The following RBFOX1 variants were observed in gnomAD, a reference collection of about 807,000 sequenced individuals.
RBFOX1 encodes the protein RNA binding fox-1 homolog 1.
A neutral mutation model predicts 57.7 loss-of-function variants in RBFOX1; 8 were observed. The ratio of observed to expected loss-of-function variants is 0.14; its 90% confidence interval spans 0.08 to 0.25. The LOEUF is 0.25. Among genes scored for constraint, RBFOX1 ranks in the 10% least tolerant of loss-of-function variants. RBFOX1 has a pLI of 1.00. For synonymous variants in RBFOX1, 326 were observed against 222.4 expected (o/e 1.47, Z -4.15); for missense variants, 611 against 548.5 (o/e 1.11, Z -1.14).
In RBFOX1 at chr16:6,418,531, T is replaced by A. The variant is rs182585143; in HGVS notation, c.-64+101474T>A. ...TTCTGCAAGCCTTATTTTTTTTTTT[T>A]TTTTTTTTTTTTGACAGAGTCTGGC... On this transcript the variant is annotated intron_variant, in intron 2 of 15. Coordinates refer to ENST00000550418, the MANE Select transcript of RBFOX1 (RefSeq NM_018723.4). Among the ~76,000 whole-genome samples, 1,265 of 145,832 alleles carry A rather than the reference T, an allele frequency of 8.7e-3. 38 individuals are homozygous for A. The highest frequency in any genetic ancestry group is 0.084 in the East Asian group (421 of 5,040).
At chr16:6,559,769 A>G (rs988864737) in intron 2 of RBFOX1, among the ~76,000 whole-genome samples, 1 of 152,030 alleles carries the variant, frequency 6.6e-6, no homozygotes, top group African/African-American at 2.4e-5. Flanking sequence ...AACACCTACT[A>G]TGTGCCAGGC....
intron 4 of RBFOX1, among the ~76,000 whole-genome samples, chr16:7,236,998 C>T (rs747952042): frequency 6.6e-6 from 1 of 152,136 alleles, no homozygotes; most frequent in East Asian, 1.9e-4. Context: ...AAGAGGCAAG[C>T]CGTTCTTTCA....
rs150068303 is a variant in RBFOX1 at position 5,468,699 on chromosome 16, G to C, written c.258+1445G>C. Among the ~76,000 whole-genome samples, 860 of 152,296 alleles carry C rather than the reference G, an allele frequency of 5.6e-3. 6 individuals are homozygous for C. Among genetic ancestry groups the C allele is most frequent in the African/African-American group, 0.02 (826 of 41,548 alleles). Reference sequence around the variant, plus strand: ...TATCCATGCAGTGGAATATTATACAGCCATAAAAAGGAAGGAAGCAGAAAT... The same window carrying C: ...TATCCATGCAGTGGAATATTATACACCCATAAAAAGGAAGGAAGCAGAAAT... On this transcript the variant is annotated intron_variant, in intron 2 of 2. Transcript: ENST00000585867.
intron 4 of RBFOX1, among the ~76,000 whole-genome samples, chr16:7,493,798 C>A (rs894886273): frequency 5.3e-5 from 8 of 152,178 alleles, no homozygotes; most frequent in Middle Eastern, 3.2e-3. Context: ...AATATGTTTG[C>A]ATTGTGTGAA....
chr16:6,408,040 C>A (rs2093345586), intron 2 of RBFOX1, among the ~76,000 whole-genome samples: 1 of 152,016 alleles, frequency 6.6e-6, no homozygotes, highest in Non-Finnish European at 1.5e-5. Flanking sequence ...GCTTGTTTAC[C>A]CCTCCCATCA....
At chr16:5,876,539 C>T (rs2057616184) in intron 4 of RBFOX1, among the ~76,000 whole-genome samples, 2 of 152,124 alleles carry the variant, frequency 1.3e-5, no homozygotes, top group African/African-American at 4.8e-5. Context: ...TCTCATCTCT[C>T]CTCCTCTAAA....
chr16:6,901,928 AT>A (rs755291944), intron 3 of RBFOX1, among the ~76,000 whole-genome samples: 1 of 151,964 alleles, frequency 6.6e-6, no homozygotes, highest in African/African-American at 2.4e-5. Flanking sequence ...TTAAGCAGGG[AT>A]TTTTTTTCAT....
At chr16:7,278,071 G>T (rs562437513) in intron 4 of RBFOX1, among the ~76,000 whole-genome samples, 4 of 152,106 alleles carry the variant, frequency 2.6e-5, no homozygotes, top group Non-Finnish European at 4.4e-5. Flanking sequence ...AGTTGATTCC[G>T]TAGGCGGCTA....
chr16:6,705,675 G>C (rs143061886), intron 3 of RBFOX1: 1 of 152,100 alleles, frequency 6.6e-6, no homozygotes, highest in African/African-American at 2.4e-5. Context: ...CAACAACAAA[G>C]CCACTGTGAT....
chr16:7,534,559 G>A (rs771571340), intron 5 of RBFOX1, among the ~76,000 whole-genome samples: 2 of 152,098 alleles, frequency 1.3e-5, no homozygotes, highest in East Asian at 1.9e-4. Context: ...CTGGAAGCCC[G>A]ATTCGATCCA....
intron 2 of RBFOX1, among the ~76,000 whole-genome samples, chr16:6,395,134 T>C (rs1178004112): frequency 6.6e-6 from 1 of 152,204 alleles, no homozygotes; most frequent in Non-Finnish European, 1.5e-5. Context: ...GCTAAAGATA[T>C]GGTGACATTC....
At chr16:5,648,791 C>A (rs1187008849) in intron 3 of RBFOX1, among the ~76,000 whole-genome samples, 1 of 152,206 alleles carries the variant, frequency 6.6e-6, no homozygotes, top group Non-Finnish European at 1.5e-5. Context: ...AGGCCAGGCA[C>A]ACTGGCTCAT....
intron 4 of RBFOX1, among the ~76,000 whole-genome samples, chr16:7,144,558 G>A (rs1383975671): frequency 6.6e-6 from 1 of 151,366 alleles, no homozygotes; most frequent in African/African-American, 2.4e-5. Context: ...AAAAAGAGCT[G>A]GAATTACATG....
intron 4 of RBFOX1, among the ~76,000 whole-genome samples, chr16:7,452,184 A>T (rs2098871715): frequency 6.6e-6 from 1 of 152,250 alleles, no homozygotes; most frequent in South Asian, 2.1e-4. Flanking sequence ...AGCTGTAAAT[A>T]CGCATATAAA....
intron 4 of RBFOX1, among the ~76,000 whole-genome samples, chr16:7,130,402 T>A (rs2069956012): frequency 6.6e-6 from 1 of 152,176 alleles, no homozygotes; most frequent in Non-Finnish European, 1.5e-5. Flanking sequence ...CTGGAAATTC[T>A]CTGAGCGTAT....
intron 2 of RBFOX1, among the ~76,000 whole-genome samples, chr16:6,633,503 C>A (rs12922171): frequency 0.28 from 42,756 of 151,836 alleles, 6,178 homozygotes; most frequent in Non-Finnish European, 0.32. Flanking sequence ...CATGTTGAGC[C>A]GGCTGATCTT....
intron 3 of RBFOX1, among the ~76,000 whole-genome samples, chr16:6,966,954 C>G (rs1433770301): frequency 1.3e-5 from 2 of 151,650 alleles, no homozygotes; most frequent in African/African-American, 4.9e-5. Context: ...TACCTATTAT[C>G]TATTTGCCTA....
intron 3 of RBFOX1, among the ~76,000 whole-genome samples, chr16:5,864,210 G>T (rs1436360786): frequency 6.6e-6 from 1 of 152,288 alleles, no homozygotes; most frequent in Middle Eastern, 3.4e-3. Context: ...CAGCTCCATC[G>T]ATGTCCCTGC....
chr16:7,541,426 G>A (rs946045666), intron 5 of RBFOX1, among the ~76,000 whole-genome samples: 3 of 151,868 alleles, frequency 2.0e-5, no homozygotes, highest in African/African-American at 7.3e-5. Flanking sequence ...GACATCTTCT[G>A]CGTCAAAGGA....
Sources: gnomAD v4.1 joint callset for allele counts (sites outside exome capture counted in the v4.1 genomes callset) on GRCh38, gnomAD v4.1.1 for gene constraint, MANE v1.5 for transcripts, NCBI Gene and HGNC (gene_info 2026-07-23, HGNC 2026-07-21) for gene names.